Variants in SLC39A11 observed in about 807,000 individuals in gnomAD.
SLC39A11 encodes the protein solute carrier family 39 member 11.
A neutral mutation model predicts 36.1 loss-of-function variants in SLC39A11; 33 were observed. The ratio of observed to expected loss-of-function variants is 0.91; its 90% CI spans 0.69 to 1.22. The LOEUF is 1.22. Ranked by LOEUF, SLC39A11 falls within the 50% of genes most tolerant of loss-of-function variation. The pLI is 0.00. For missense variants in SLC39A11, 432 were observed against 430.3 expected (o/e 1.00, Z -0.03); for synonymous variants, 166 against 170.3 (o/e 0.97, Z 0.20).
chr17:72,965,448 C>T (rs967345483), intron 4 of SLC39A11, among the ~76,000 whole-genome samples: 65 of 152,140 alleles, frequency 4.3e-4, no homozygotes, highest in African/African-American at 1.2e-3. Context: ...CCTATACAAC[C>T]GTTCGGTTTC....
chr17:72,983,976 T>C (rs942063307), intron 4 of SLC39A11, among the ~76,000 whole-genome samples: 2 of 152,090 alleles, frequency 1.3e-5, no homozygotes, highest in Admixed American at 6.6e-5. Flanking sequence ...CTTTCCTGAG[T>C]GCTGTTCAGG....
chr17:72,793,944 C>T (rs1176628539), intron 6 of SLC39A11, among the ~76,000 whole-genome samples: 1 of 151,400 alleles, frequency 6.6e-6, no homozygotes, highest in Non-Finnish European at 1.5e-5. Flanking sequence ...ACCACACCGG[C>T]CAGTATACAG....
At chr17:72,928,487 T>C (rs989506947) in intron 5 of SLC39A11, among the ~76,000 whole-genome samples, 52 of 152,230 alleles carry the variant, frequency 3.4e-4, no homozygotes, top group African/African-American at 1.2e-3. Context: ...AAATGTCATA[T>C]TAAGAAGGTA....
At chr17:72,740,055 T>TC (rs2074610010) in intron 6 of SLC39A11, among the ~76,000 whole-genome samples, 3 of 128,884 alleles carry the variant, frequency 2.3e-5, no homozygotes, top group African/African-American at 6.2e-5. Flanking sequence ...TCTTTCCTTT[T>TC]CTTTTTTTTT....
chr17:72,939,765 C>A (rs966430259), intron 5 of SLC39A11, among the ~76,000 whole-genome samples: 11 of 152,268 alleles, frequency 7.2e-5, no homozygotes, highest in Admixed American at 7.2e-4. Flanking sequence ...TCTCAGACTT[C>A]CGGCCTCCAA....
At chr17:72,984,808 G>A (rs1425889603) in intron 4 of SLC39A11, among the ~76,000 whole-genome samples, 2 of 152,182 alleles carry the variant, frequency 1.3e-5, no homozygotes, top group Admixed American at 6.5e-5. Flanking sequence ...ATTTCCTTCT[G>A]GAAGCAGAAT....
chr17:72,767,283 G>A (rs1052258771), intron 6 of SLC39A11, among the ~76,000 whole-genome samples: 7 of 152,284 alleles, frequency 4.6e-5, no homozygotes, highest in Admixed American at 3.9e-4. Flanking sequence ...AGCACCTACA[G>A]GGGGCCAGAG....
At chr17:72,997,415 G>A (rs1255156352) in intron 4 of SLC39A11, among the ~76,000 whole-genome samples, 3 of 152,036 alleles carry the variant, frequency 2.0e-5, no homozygotes, top group African/African-American at 2.4e-5. Context: ...CACCACGCCC[G>A]GCTAATTTTA....
rs879349280 is a variant in SLC39A11 at position 72,773,680 on chromosome 17, C to CACACACACAT, written c.602-36962_602-36961insATGTGTGTGT. 2.1e-3 allele frequency among the ~76,000 whole-genome samples: 313 copies of CACACACACAT among 150,148 alleles called. 8 individuals are homozygous for CACACACACAT. Among genetic ancestry groups the CACACACACAT allele is most frequent in the African/African-American group, 7.4e-3 (300 of 40,646 alleles). ...ACACACACACACACACACACACACC[C>CACACACACAT]AGTATATAAAGGATATCAGTGTCAT... On this transcript the variant is annotated intron_variant, in intron 6 of 9. Coordinates refer to ENST00000255559, the MANE Select transcript of SLC39A11 (RefSeq NM_139177.4).
At chr17:72,896,493 C>A (rs1211522486) in intron 5 of SLC39A11, among the ~76,000 whole-genome samples, 2 of 152,082 alleles carry the variant, frequency 1.3e-5, no homozygotes, top group Non-Finnish European at 2.9e-5. Flanking sequence ...TGAGTCACTG[C>A]ACCCGGCCTA....
intron 7 of SLC39A11, among the ~76,000 whole-genome samples, chr17:72,670,510 C>A (rs563263361): frequency 2.0e-5 from 3 of 152,282 alleles, no homozygotes; most frequent in South Asian, 2.1e-4. Flanking sequence ...CTTCCTTCTA[C>A]ATTTATTAAT....
chr17:72,673,796 G>A (rs970855939), intron 7 of SLC39A11, among the ~76,000 whole-genome samples: 7 of 152,176 alleles, frequency 4.6e-5, no homozygotes, highest in African/African-American at 1.7e-4. Context: ...CGGGCACAGT[G>A]GCTCACACCT....
intron 6 of SLC39A11, among the ~76,000 whole-genome samples, chr17:72,831,924 C>G (rs1414808501): frequency 6.6e-6 from 1 of 152,106 alleles, no homozygotes; most frequent in African/African-American, 2.4e-5. Flanking sequence ...AATTGCCATT[C>G]TTAAAGACGC....
intron 6 of SLC39A11, among the ~76,000 whole-genome samples, chr17:72,847,433 C>T (rs1338701745): frequency 6.6e-6 from 1 of 150,410 alleles, no homozygotes; most frequent in Non-Finnish European, 1.5e-5. Flanking sequence ...ATTGGAAAAC[C>T]AACTAAAAAA....
At chr17:72,803,013 C>T (rs1432557158) in intron 6 of SLC39A11, among the ~76,000 whole-genome samples, 1 of 152,212 alleles carries the variant, frequency 6.6e-6, no homozygotes, top group African/African-American at 2.4e-5. Context: ...GATTCTTGGC[C>T]CTGTTAAACC....
chr17:72,742,349 C>T (rs1454646284), intron 6 of SLC39A11, among the ~76,000 whole-genome samples: 2 of 152,170 alleles, frequency 1.3e-5, no homozygotes, highest in Non-Finnish European at 2.9e-5. Flanking sequence ...GTCGTGGGAG[C>T]TGCCCGTGTC....
intron 3 of SLC39A11, among the ~76,000 whole-genome samples, chr17:73,070,934 A>G (rs940807783): frequency 6.6e-6 from 1 of 152,106 alleles, no homozygotes; most frequent in African/African-American, 2.4e-5. Flanking sequence ...TGTCTTTATC[A>G]GCAGCATGAA....
At chr17:72,882,793 GCTT>G (rs2081258588) in intron 5 of SLC39A11, among the ~76,000 whole-genome samples, 1 of 67,852 alleles carries the variant, frequency 1.5e-5, no homozygotes, top group East Asian at 8.5e-4. Context: ...GAGAGAGAAT[GCTT>G]CTTTTTTTTT....
chr17:72,994,905 T>C (rs1315584037), intron 4 of SLC39A11, among the ~76,000 whole-genome samples: 2 of 152,184 alleles, frequency 1.3e-5, no homozygotes, highest in African/African-American at 2.4e-5. Flanking sequence ...ATTGAACATA[T>C]TACCCGACAA....
Sources: allele counts gnomAD v4.1 joint callset (sites outside exome capture counted in the v4.1 genomes callset), GRCh38; gene constraint gnomAD v4.1.1; transcripts MANE v1.5; gene names NCBI Gene and HGNC (gene_info 2026-07-23, HGNC 2026-07-21).